The following SLF2 variants were observed in gnomAD, a reference collection of about 807,000 sequenced individuals.
SLF2 encodes the protein SMC5-SMC6 complex localization factor protein 2.
Under a neutral mutation model 124.3 loss-of-function variants are expected in SLF2, and 68 were observed. That is an observed-to-expected ratio of 0.55 (90% CI 0.45 to 0.67). The LOEUF (loss-of-function observed/expected upper bound fraction) is 0.67. SLF2 is among the 30% of genes least tolerant of loss of function. The probability of loss-of-function intolerance (pLI) is 0.00; values close to 1 mark genes in which losing one functional copy is unlikely to be tolerated. For missense variants in SLF2, 1,246 were observed against 1,373.7 expected, an observed-to-expected ratio of 0.91 and a Z score of 1.47; for synonymous variants, 480 against 478.8, an observed-to-expected ratio of 1.00 and a Z score of -0.03.
intron 17 of SLF2, 29 bp from the exon 18 acceptor site, chr10:100,956,422 T>C (rs759159774): frequency 5.9e-6 from 9 of 1,517,744 alleles, no homozygotes; most frequent in Non-Finnish European, 1.8e-6. Context: ...TTCAGAATTG[T>C]TTTCATCCCT....
intron 11 of SLF2, among the ~76,000 whole-genome samples, chr10:100,940,910 A>G (rs1461786549): frequency 6.8e-6 from 1 of 147,820 alleles, no homozygotes; most frequent in Non-Finnish European, 1.5e-5. Context: ...GTTATGGGTC[A>G]CTGCAGCCTC....
In SLF2 at chr10:100,918,385, A is replaced by G. The variant is rs1849461665; in HGVS notation, c.917A>G (p.Glu306Gly). 1.9e-6 allele frequency: 3 copies of G among 1,590,314 alleles called. No individual in the cohort carries two copies. The highest frequency in any genetic ancestry group is 2.6e-6 in the Non-Finnish European group (3 of 1,166,438). The change falls in exon 4 of 20, where the codon GAA becomes GGA. Residue 306 changes from glutamate (E) to glycine (G), a missense_variant and splice_region_variant. Coordinates refer to ENST00000238961, the MANE Select transcript of SLF2 (RefSeq NM_018121.4). ...AATTTTATCTCATTGTGCTCATAGG[A>G]AAATGGACATCTCTCAAGAAAAAGA... ...IPGKNNLSNV[E>G]NGHLSRKRSS... is the part of the protein sequence containing the mutation.
At chr10:100,913,494 C>T (rs1008337880) in intron 1 of SLF2, 4 of 1,257,960 alleles carry the variant, frequency 3.2e-6, no homozygotes, top group Non-Finnish European at 3.0e-6. Context: ...ACGGAGAACC[C>T]GCCTTAGGTA....
At chr10:100,938,535 T>G in intron 10 of SLF2, 60 bp from the exon 11 acceptor site, 1 of 1,520,894 alleles carries the variant, frequency 6.6e-7, no homozygotes. Context: ...GACTGTCACC[T>G]TGCAAATGTG....
intron 1 of SLF2, chr10:100,913,949 A>G: frequency 5.6e-6 from 5 of 893,140 alleles, no homozygotes; most frequent in Non-Finnish European, 6.7e-6. Flanking sequence ...TATTCATGTT[A>G]CTAATACTGT....
intron 4 of SLF2, among the ~76,000 whole-genome samples, chr10:100,918,681 G>T (rs1459553027): frequency 6.6e-6 from 1 of 152,164 alleles, no homozygotes; most frequent in African/African-American, 2.4e-5. Context: ...GGATGCAGTG[G>T]CATGATCACG....
chr10:100,949,472 G>A (rs1304270473), intron 15 of SLF2, among the ~76,000 whole-genome samples: 1 of 152,124 alleles, frequency 6.6e-6, no homozygotes, highest in Non-Finnish European at 1.5e-5. Context: ...TAACCACAGA[G>A]TCAACTTTGT....
At chr10:100,955,154 A>G (rs1850305948) in intron 17 of SLF2, among the ~76,000 whole-genome samples, 1 of 151,588 alleles carries the variant, frequency 6.6e-6, no homozygotes, top group Admixed American at 6.6e-5. Context: ...GTTAGTGAGG[A>G]TGGTCTTGAT....
chr10:100,913,538 T>G, intron 1 of SLF2: 1 of 1,244,858 alleles, frequency 8.0e-7, no homozygotes, highest in Non-Finnish European at 1.0e-6. Context: ...TGCAAGAGTT[T>G]GACCCGGGAC....
chr10:100,915,482 T>C (rs972494473), intron 1 of SLF2, among the ~76,000 whole-genome samples: 2 of 152,218 alleles, frequency 1.3e-5, no homozygotes, highest in African/African-American at 2.4e-5. Flanking sequence ...ACTCTTGTTA[T>C]GAGAGTCTGT....
At chr10:100,946,975 T>C in intron 13 of SLF2, 64 bp from the exon 14 acceptor site, 2 of 1,238,920 alleles carry the variant, frequency 1.6e-6, no homozygotes, top group South Asian at 2.4e-5. Flanking sequence ...TTGTAGATGA[T>C]CTGTTGGGTG....
intron 1 of SLF2, among the ~76,000 whole-genome samples, chr10:100,914,782 A>G (rs1849385170): frequency 6.6e-6 from 1 of 152,228 alleles, no homozygotes; most frequent in Non-Finnish European, 1.5e-5. Flanking sequence ...AGCGTGATGG[A>G]CTTGGTAAAC....
chr10:100,925,175 T>C (rs1849592143), intron 5 of SLF2, among the ~76,000 whole-genome samples: 1 of 152,224 alleles, frequency 6.6e-6, no homozygotes, highest in Non-Finnish European at 1.5e-5. Context: ...CCAAACTCTT[T>C]TGATCACACA....
chr10:100,928,738 A>G (rs528856063), intron 6 of SLF2, among the ~76,000 whole-genome samples: 1 of 152,322 alleles, frequency 6.6e-6, no homozygotes, highest in African/African-American at 2.4e-5. Context: ...TCTTATCTAT[A>G]AAATGCGTTA....
At chr10:100,950,848 A>G in intron 17 of SLF2, 95 bp downstream of exon 17, 2 of 929,938 alleles carry the variant, frequency 2.2e-6, no homozygotes, top group South Asian at 3.0e-5. Context: ...AAACTATGTA[A>G]ACTTTTCTTA....
At chr10:100,951,801 TTAAAC>T (rs1344232173) in intron 17 of SLF2, among the ~76,000 whole-genome samples, 1 of 152,244 alleles carries the variant, frequency 6.6e-6, no homozygotes, top group Non-Finnish European at 1.5e-5. Flanking sequence ...GCCTTCAAAA[TTAAAC>T]TGATGGTAAG....
At chr10:100,951,786 C>T (rs541872028) in intron 17 of SLF2, among the ~76,000 whole-genome samples, 1 of 152,326 alleles carries the variant, frequency 6.6e-6, no homozygotes, top group African/African-American at 2.4e-5. Context: ...TTAGAAATAA[C>T]ATTTGCCTTC....
intron 1 of SLF2, chr10:100,913,503 TAGAA>T: frequency 8.0e-7 from 1 of 1,255,780 alleles, no homozygotes; most frequent in Non-Finnish European, 1.0e-6. Flanking sequence ...CCGCCTTAGG[TAGAA>T]AGAAAGTGAT....
At chr10:100,913,516 A>AT (rs1186172882) in intron 1 of SLF2, 5 of 1,250,356 alleles carry the variant, frequency 4.0e-6, no homozygotes, top group East Asian at 3.2e-5. Flanking sequence ...AAAGAAAGTG[A>AT]TTTTTTTCCT....
Sources: allele counts gnomAD v4.1 joint callset (sites outside exome capture counted in the v4.1 genomes callset), GRCh38; gene constraint gnomAD v4.1.1; transcripts MANE v1.5; gene names NCBI Gene and HGNC (gene_info 2026-07-23, HGNC 2026-07-21).